The following RALYL variants were observed in gnomAD, a reference collection of about 807,000 sequenced individuals.
RALYL encodes RNA-binding Raly-like protein.
A neutral mutation model predicts 35.1 loss-of-function variants in RALYL; 29 were observed. That is an observed-to-expected ratio of 0.83 (90% CI 0.61 to 1.13). RALYL has a LOEUF of 1.13. RALYL is among the 50% of genes most tolerant of loss of function. The pLI is 0.00. For missense variants in RALYL, 359 were observed against 360.4 expected, an observed-to-expected ratio of 1.00 and a Z score of 0.03; for synonymous variants, 120 against 127.6, an observed-to-expected ratio of 0.94 and a Z score of 0.40.
intron 2 of RALYL, among the ~76,000 whole-genome samples, chr8:84,589,695 TAACATCAGAACCAGAGGGCAA>T (rs1182918668): frequency 6.6e-6 from 1 of 152,210 alleles, no homozygotes; most frequent in Non-Finnish European, 1.5e-5. Context: ...TCATATCTGG[TAACATCAGAACCAGAGGGCAA>T]ATGCCAACCT....
intron 3 of RALYL, among the ~76,000 whole-genome samples, chr8:84,786,828 G>A (rs1409737397): frequency 6.6e-6 from 1 of 151,978 alleles, no homozygotes; most frequent in Non-Finnish European, 1.5e-5. Context: ...AAAATCTTTA[G>A]TTTTATGAGA....
chr8:84,779,288 T>C (rs1817558625), intron 3 of RALYL, among the ~76,000 whole-genome samples: 1 of 152,210 alleles, frequency 6.6e-6, no homozygotes, highest in Non-Finnish European at 1.5e-5. Context: ...GTATGATGGT[T>C]TTACTTCTAT....
chr8:84,484,351 A>G (rs1270831250), intron 1 of RALYL, among the ~76,000 whole-genome samples: 2 of 152,154 alleles, frequency 1.3e-5, no homozygotes, highest in African/African-American at 2.4e-5. Flanking sequence ...GCTATAGTCT[A>G]GTAAATTACC....
intron 1 of RALYL, among the ~76,000 whole-genome samples, chr8:84,371,042 G>A (rs1855575161): frequency 2.0e-5 from 3 of 151,956 alleles, no homozygotes; most frequent in Admixed American, 1.3e-4. Context: ...GGCCTATGAT[G>A]TGAGCGAGAG....
At chr8:84,881,098 C>T (rs1842108267) in intron 7 of RALYL, among the ~76,000 whole-genome samples, 1 of 151,872 alleles carries the variant, frequency 6.6e-6, no homozygotes, top group South Asian at 2.1e-4. Context: ...TAGGGTATTT[C>T]ATGTGAACAA....
intron 1 of RALYL, among the ~76,000 whole-genome samples, chr8:84,347,772 T>A (rs767495805): frequency 2.0e-5 from 3 of 152,130 alleles, no homozygotes; most frequent in Non-Finnish European, 4.4e-5. Flanking sequence ...AACTCCAGCC[T>A]CTGCACAGGA....
chr8:84,266,828 C>G (rs1833401613), intron 1 of RALYL, among the ~76,000 whole-genome samples: 1 of 151,640 alleles, frequency 6.6e-6, no homozygotes, highest in African/African-American at 2.4e-5. Flanking sequence ...GGCGTGGTAG[C>G]GGGCGCCTGT....
intron 1 of RALYL, among the ~76,000 whole-genome samples, chr8:84,246,833 A>G (rs761040238): frequency 6.6e-6 from 1 of 152,140 alleles, no homozygotes; most frequent in African/African-American, 2.4e-5. Flanking sequence ...TAAGTAAAAC[A>G]ACTGACCAAT....
chr8:84,576,044 AAG>A (rs545575517), intron 2 of RALYL, among the ~76,000 whole-genome samples: 6 of 152,192 alleles, frequency 3.9e-5, no homozygotes, highest in Non-Finnish European at 8.8e-5. Flanking sequence ...ATAAAGTAAA[AAG>A]AATATTTTAC....
intron 2 of RALYL, among the ~76,000 whole-genome samples, chr8:84,723,821 A>G (rs769428375): frequency 2.6e-5 from 4 of 151,572 alleles, no homozygotes; most frequent in Non-Finnish European, 5.9e-5. Flanking sequence ...TTTTTTCTAT[A>G]CTCACCATTC....
At chr8:84,186,228 G>A (rs958323609) in intron 1 of RALYL, among the ~76,000 whole-genome samples, 25 of 152,070 alleles carry the variant, frequency 1.6e-4, no homozygotes, top group African/African-American at 6.0e-4. Flanking sequence ...AAGCCAATAT[G>A]ATGGCACTAA....
intron 1 of RALYL, among the ~76,000 whole-genome samples, chr8:84,392,443 A>C (rs1435540450): frequency 1.3e-5 from 2 of 152,074 alleles, no homozygotes; most frequent in Non-Finnish European, 2.9e-5. Context: ...GAAAAACAAA[A>C]AAAAAAATTG....
intron 1 of RALYL, among the ~76,000 whole-genome samples, chr8:84,258,186 G>T (rs1337176558): frequency 6.6e-6 from 1 of 152,056 alleles, no homozygotes; most frequent in Non-Finnish European, 1.5e-5. Flanking sequence ...TTTACTTGTG[G>T]TCCTCTTCCT....
rs879649680 is a variant in RALYL, at chr8:84,735,825, A to T, written c.257-38754A>T. Among the ~76,000 whole-genome samples, 394 of 151,586 alleles carry T rather than the reference A, an allele frequency of 2.6e-3. 5 individuals carry two copies. The highest frequency in any genetic ancestry group is 8.3e-3 in the Admixed American group (126 of 15,164). The stretch of plus-strand genomic sequence containing the variant: ...CATCCAAACCGCGAGAGAGAGAGAG[A>T]GAGAGAGAGAGAGAGAGAGAGAGAA... On this transcript the variant is annotated intron_variant, in intron 2 of 8. Coordinates refer to ENST00000521268, the MANE Select transcript of RALYL (RefSeq NM_173848.7).
At chr8:84,898,510 G>A (rs1268799555) in intron 8 of RALYL, among the ~76,000 whole-genome samples, 1 of 152,220 alleles carries the variant, frequency 6.6e-6, no homozygotes, top group Non-Finnish European at 1.5e-5. Flanking sequence ...GGTACATGAA[G>A]AAGAAAGGGC....
chr8:84,488,824 T>G (rs2054929393), intron 1 of RALYL, among the ~76,000 whole-genome samples: 1 of 152,012 alleles, frequency 6.6e-6, no homozygotes, highest in South Asian at 2.1e-4. Context: ...AATATCTACC[T>G]CATAAGATAT....
chr8:84,914,961 A>G (rs1296407392), intron 8 of RALYL, among the ~76,000 whole-genome samples: 1 of 152,086 alleles, frequency 6.6e-6, no homozygotes, highest in Non-Finnish European at 1.5e-5. Flanking sequence ...GCAATTGGTC[A>G]GAACAGAATA....
intron 1 of RALYL, among the ~76,000 whole-genome samples, chr8:84,509,950 C>A (rs974794551): frequency 1.3e-5 from 2 of 152,244 alleles, no homozygotes; most frequent in Middle Eastern, 3.4e-3. Flanking sequence ...GGTTGTGTCC[C>A]TTCCAACTTT....
intron 2 of RALYL, among the ~76,000 whole-genome samples, chr8:84,535,474 C>G (rs1013770684): frequency 7.6e-5 from 11 of 144,300 alleles, no homozygotes; most frequent in South Asian, 6.5e-4. Context: ...CTCGCTCTGT[C>G]GCCCAGGCTG....
Sources: gnomAD v4.1 joint callset for allele counts (sites outside exome capture counted in the v4.1 genomes callset) on GRCh38, gnomAD v4.1.1 for gene constraint, MANE v1.5 for transcripts, NCBI Gene and HGNC (gene_info 2026-07-23, HGNC 2026-07-21) for gene names.